LARP7: variants seen among roughly 807,000 people sequenced by gnomAD.
LARP7 encodes the protein la-related protein 7.
In LARP7, 52 loss-of-function variants were observed where a neutral mutation model predicts 69.3. The ratio of observed to expected loss-of-function variants is 0.75; its 90% confidence interval spans 0.60 to 0.95. The LOEUF is 0.95. Ranked by LOEUF, LARP7 falls within the 40% of genes least tolerant of loss-of-function variation. The probability of loss-of-function intolerance (pLI) is 0.00; values close to 1 mark genes in which losing one functional copy is unlikely to be tolerated. For synonymous variants in LARP7, 254 were observed against 215.9 expected (o/e 1.18, Z -1.55); for missense variants, 733 against 673.0 (o/e 1.09, Z -0.99).
Position 112,654,148 on chromosome 4 carries a change from G to A in LARP7, c.1657G>A (p.Gly553Ser). ...TAATCAGCCTCGGGAAAAGAAAAGA[G>A]GCACTGAAAAGGTAATTGATTCATT... ...KLNQPREKKR[G>S]TEKLITKAEK... The change falls in exon 12 of 13, where the codon GGC (glycine) becomes AGC (serine). Residue 553 changes from glycine (G) to serine (S), a missense_variant. By Grantham distance (56) the Gly-to-Ser change is moderately conservative (BLOSUM62 0). Transcript: ENST00000344442. The A allele has an allele frequency of 1.2e-6, 2 of 1,613,106 alleles. No individual in the cohort carries two copies. Among genetic ancestry groups the A allele is most frequent in the Non-Finnish European group, 1.7e-6 (2 of 1,179,320 alleles).
rs748782643 is a variant in LARP7 at position 112,646,687 on chromosome 4, C to T, written c.387+16C>T. 17 of 1,578,362 alleles carry T rather than the reference C, an allele frequency of 1.1e-5. No homozygotes were observed. In the Admixed American group the frequency reaches 2.3e-4, roughly 21 times the overall value. ...AGTGTATGTGGTAAGCTTAAGAACCCGGGTCCCCAGTCAGAAACTGGCACA... is the reference window on the plus strand; with the variant it reads ...AGTGTATGTGGTAAGCTTAAGAACCTGGGTCCCCAGTCAGAAACTGGCACA... On this transcript the variant is annotated intron_variant, in intron 4 of 12. Coordinates refer to ENST00000344442, the MANE Select transcript of LARP7 (RefSeq NM_016648.4).
At chr4:112,644,314 AG>A (rs1157950348) in intron 1 of LARP7, 8 of 265,940 alleles carry the variant, frequency 3.0e-5, no homozygotes, top group South Asian at 1.8e-4. Flanking sequence ...GATGGAGAGG[AG>A]GGGGTGTTGC....
intron 1 of LARP7, among the ~76,000 whole-genome samples, chr4:112,640,387 G>A (rs2047914796): frequency 6.6e-6 from 1 of 152,096 alleles, no homozygotes; most frequent in African/African-American, 2.4e-5. Context: ...CTACATTCTG[G>A]TGGGATAGGT....
intron 7 of LARP7, 41 bp downstream of exon 7, chr4:112,647,590 T>TTAA: frequency 6.9e-7 from 1 of 1,452,940 alleles, no homozygotes; most frequent in Non-Finnish European, 9.2e-7. Context: ...CTAATTAATT[T>TTAA]TAATTAATTA....
chr4:112,639,744 G>A (rs1180394791), intron 1 of LARP7, among the ~76,000 whole-genome samples: 1 of 152,092 alleles, frequency 6.6e-6, no homozygotes, highest in Non-Finnish European at 1.5e-5. Context: ...AGTTGTAGCA[G>A]TAGTTGTAGA....
In LARP7 at chr4:112,647,806, G is replaced by T; in HGVS notation, c.1114G>T (p.Glu372Ter). The T allele has an allele frequency of 1.9e-6, 3 of 1,588,086 alleles. No homozygotes were observed. The highest frequency in any genetic ancestry group is 2.6e-6 in the Non-Finnish European group (3 of 1,165,272). Residue 372 changes from glutamate (E) to a stop codon, truncating the protein, a stop_gained, in exon 8 of 13, where the codon GAA becomes TAA. Transcript: ENST00000344442. LOFTEE classifies it high-confidence loss of function. The stretch of plus-strand genomic sequence containing the variant: ...TAAAGAGAGACATAAAATGGGAGAA[G>T]AAGTTATACCATTAAGAGTGCTATC... ...KHKERHKMGE[E>*]VIPLRVLSKS...
At chr4:112,639,359 G>A (rs893639033) in intron 1 of LARP7, among the ~76,000 whole-genome samples, 2 of 151,754 alleles carry the variant, frequency 1.3e-5, no homozygotes, top group African/African-American at 2.4e-5. Flanking sequence ...ACAGGCGCCT[G>A]CCACCATGCC....
chr4:112,642,975 G>C (rs950067384), intron 1 of LARP7, among the ~76,000 whole-genome samples: 2 of 152,216 alleles, frequency 1.3e-5, no homozygotes, highest in Non-Finnish European at 2.9e-5. Context: ...TTCTCAAGCA[G>C]CCTGTATTAT....
chr4:112,651,364 ATAGCTGTCACT>A (rs1317182319), intron 10 of LARP7, among the ~76,000 whole-genome samples: 1 of 152,140 alleles, frequency 6.6e-6, no homozygotes, highest in African/African-American at 2.4e-5. Flanking sequence ...CTACAATCCT[ATAGCTGTCACT>A]AAGAAACAAA....
intron 1 of LARP7, among the ~76,000 whole-genome samples, chr4:112,641,428 A>G (rs1463518026): frequency 6.6e-6 from 1 of 152,002 alleles, no homozygotes; most frequent in Non-Finnish European, 1.5e-5. Context: ...GAGTTTGTGT[A>G]AGGAATTGGC....
rs115594791 is a variant in LARP7, at chr4:112,657,456, C to T, written c.*129C>T. ...TAAAAGAAATATCTTTGTTCCTCAA[C>T]TTGTAAATAAGACTTTTTTCTAGAG... On this transcript the variant is annotated 3_prime_UTR_variant, in exon 13 of 13. Transcript: ENST00000344442. 1,259 of 426,202 alleles carry T rather than the reference C, an allele frequency of 3.0e-3. 13 individuals carry two copies. The highest frequency in any genetic ancestry group is 0.024 in the African/African-American group (1,157 of 48,724). The allele number at this position is 426,202 out of a possible 1,614,324, so 26.4% of individuals were successfully genotyped here. A position where few individuals can be genotyped will look rare whatever the true frequency, so the allele number is the denominator to read the frequency against.
intron 2 of LARP7, among the ~76,000 whole-genome samples, chr4:112,646,063 T>C (rs1047213524): frequency 6.6e-6 from 1 of 152,078 alleles, no homozygotes; most frequent in Non-Finnish European, 1.5e-5. Context: ...CACTGCAACC[T>C]CTGCCTCCTG....
chr4:112,644,811 G>C lies in LARP7; in HGVS notation c.142G>C (p.Asp48His), dbSNP rs761836331. Reference sequence around the variant, plus strand: ...TAAGCAAGTGGACTTCTGGTTTGGGGATGCAAATCTTCACAAGGATAGATT... The same window carrying C: ...TAAGCAAGTGGACTTCTGGTTTGGGCATGCAAATCTTCACAAGGATAGATT... ...IAKQVDFWFGDANLHKDRFLR... is the reference protein window; with the variant it reads ...IAKQVDFWFGHANLHKDRFLR... The change falls in exon 2 of 13, where the codon GAT (aspartate) becomes CAT (histidine). Residue 48 changes from aspartate (D) to histidine (H), a missense_variant. Coordinates refer to ENST00000344442, the MANE Select transcript of LARP7 (RefSeq NM_016648.4). 1.9e-6 allele frequency: 3 copies of C among 1,608,430 alleles called. No individual in the cohort carries two copies. In the South Asian group the frequency reaches 3.3e-5, roughly 18 times the overall value.
At chr4:112,641,453 A>G (rs11725084) in intron 1 of LARP7, among the ~76,000 whole-genome samples, 150,760 of 152,168 alleles carry the variant, frequency 0.99, 74,700 homozygotes, top group Middle Eastern at 1. Flanking sequence ...TCTGATTTAC[A>G]TATTTAAATG....
Position 112,647,846 on chromosome 4 carries a change from G to A in LARP7, c.1142+12G>A, listed in dbSNP as rs374940366. 3.2e-6 allele frequency: 5 copies of A among 1,558,032 alleles called. No individual in the cohort carries two copies. The African/African-American group carries it at 4.3e-5, about 13-fold the overall frequency. ...AGAGTGCTATCAAAGTAAGTCTGTG[G>A]TTTAAATTCTGTCATTGGCTTAACA... On this transcript the variant is annotated intron_variant, in intron 8 of 12. Coordinates refer to ENST00000344442, the MANE Select transcript of LARP7 (RefSeq NM_016648.4).
chr4:112,657,226 T>C, intron 12 of LARP7, 21 bp from the exon 13 acceptor site: 1 of 1,399,006 alleles, frequency 7.1e-7, no homozygotes, highest in Non-Finnish European at 9.9e-7. Flanking sequence ...ACATTTTAAT[T>C]TTTGATTTAT....
At chr4:112,649,425 G>T in intron 8 of LARP7, 110 bp from the exon 9 acceptor site, 1 of 859,692 alleles carries the variant, frequency 1.2e-6, no homozygotes. Context: ...AAAGAAACAG[G>T]AAAGTTGGTG....
At position 112,647,293 on chromosome 4, in the gene LARP7, CATCAGTAAA is replaced by C; in HGVS notation, c.744_752del (p.Ile248_Lys250del). On this transcript the variant is annotated inframe_deletion, in exon 7 of 13. Coordinates refer to ENST00000344442, the MANE Select transcript of LARP7 (RefSeq NM_016648.4). ...AAAACATGGACACAAGCAACACCAG[CATCAGTAAA>C]ATGAAAAGATCCAGACCCACATCTG... is the stretch of plus-strand genomic sequence containing the variant. 6.2e-7 allele frequency: 1 copy of C among 1,613,946 alleles called. No homozygotes were observed. Among genetic ancestry groups the C allele is most frequent in the Admixed American group, 1.7e-5 (1 of 60,000 alleles).
intron 1 of LARP7, among the ~76,000 whole-genome samples, chr4:112,643,126 C>G (rs2048025197): frequency 6.6e-6 from 1 of 152,184 alleles, no homozygotes; most frequent in Non-Finnish European, 1.5e-5. Context: ...AAACAAAAAT[C>G]TCTGATTTCA....
Sources: allele counts gnomAD v4.1 joint callset (sites outside exome capture counted in the v4.1 genomes callset), GRCh38; gene constraint gnomAD v4.1.1; transcripts MANE v1.5; gene names NCBI Gene and HGNC (gene_info 2026-07-23, HGNC 2026-07-21).